The following OSBPL9 variants were observed in gnomAD, a reference collection of about 807,000 sequenced individuals.
OSBPL9 encodes oxysterol-binding protein-related protein 9.
OSBPL9 carries 40 observed loss-of-function variants against 106.6 expected under a neutral mutation model. The ratio of observed to expected loss-of-function variants is 0.38; its 90% CI spans 0.29 to 0.49. The LOEUF (loss-of-function observed/expected upper bound fraction) is 0.49. Among genes scored for constraint, OSBPL9 ranks in the 20% least tolerant of loss-of-function variants. The probability of loss-of-function intolerance (pLI) is 0.97; values close to 1 mark genes in which losing one functional copy is unlikely to be tolerated. For synonymous variants in OSBPL9, 269 were observed against 295.4 expected, an observed-to-expected ratio of 0.91 and a Z score of 0.92; for missense variants, 609 against 887.2, an observed-to-expected ratio of 0.69 and a Z score of 3.98.
chr1:51,753,399 G>A (rs1466579545), intron 8 of OSBPL9, among the ~76,000 whole-genome samples: 2 of 152,074 alleles, frequency 1.3e-5, no homozygotes, highest in Non-Finnish European at 2.9e-5. Flanking sequence ...TTGGTAGCTG[G>A]CATGTAATAA....
At chr1:51,740,380 A>G (rs538673204) in intron 4 of OSBPL9, among the ~76,000 whole-genome samples, 1 of 151,936 alleles carries the variant, frequency 6.6e-6, no homozygotes, top group East Asian at 1.9e-4. Flanking sequence ...ATTATAGGGT[A>G]TGTGTTTTAC....
intron 6 of OSBPL9, 145 bp from the exon 7 acceptor site, chr1:51,748,224 C>A: frequency 1.1e-6 from 1 of 879,064 alleles, no homozygotes. Context: ...CAAAATACAA[C>A]AAAAAGTACT....
intron 1 of OSBPL9, among the ~76,000 whole-genome samples, chr1:51,586,155 C>T (rs1645246409): frequency 6.6e-6 from 1 of 151,800 alleles, no homozygotes; most frequent in Admixed American, 6.6e-5. Flanking sequence ...GCCTGGGCAA[C>T]AGAGTGAGAC....
the OSBPL9 span, among the ~76,000 whole-genome samples, chr1:51,556,638 TA>T: frequency 6.6e-6 from 1 of 151,882 alleles, no homozygotes; most frequent in Non-Finnish European, 1.5e-5. Context: ...TACAAAAAAT[TA>T]GCTGGGCATG....
chr1:51,651,322 G>A (rs1180255257), intron 1 of OSBPL9, among the ~76,000 whole-genome samples: 1 of 152,142 alleles, frequency 6.6e-6, no homozygotes, highest in Non-Finnish European at 1.5e-5. Flanking sequence ...TCTGGGGGCA[G>A]CTGGGTGCGG....
intron 8 of OSBPL9, among the ~76,000 whole-genome samples, chr1:51,755,847 C>T (rs1670225158): frequency 6.6e-6 from 1 of 152,188 alleles, no homozygotes; most frequent in Non-Finnish European, 1.5e-5. Flanking sequence ...TCTCTTCCAA[C>T]AGCCTCCTAC....
intron 2 of OSBPL9, among the ~76,000 whole-genome samples, chr1:51,657,255 T>C (rs1209386043): frequency 3.3e-5 from 5 of 152,166 alleles, no homozygotes; most frequent in African/African-American, 7.2e-5. Flanking sequence ...TATGATGTAT[T>C]TTCTAAAAAG....
the OSBPL9 span, among the ~76,000 whole-genome samples, chr1:51,536,673 T>C: frequency 1.1e-3 from 162 of 152,310 alleles, 1 homozygote; most frequent in Admixed American, 1.4e-3. Flanking sequence ...TCTTTCACTA[T>C]TATTCACGAT....
chr1:51,733,388 T>A (rs1664902873), intron 4 of OSBPL9, among the ~76,000 whole-genome samples: 1 of 152,138 alleles, frequency 6.6e-6, no homozygotes, highest in African/African-American at 2.4e-5. Flanking sequence ...TTTTTCCCTG[T>A]GAGTTAAAAA....
chr1:51,751,855 C>G (rs1669316191), intron 8 of OSBPL9, among the ~76,000 whole-genome samples: 1 of 152,174 alleles, frequency 6.6e-6, no homozygotes, highest in Admixed American at 6.5e-5. Flanking sequence ...TTTGTACTTG[C>G]TACCTGTCTG....
At chr1:51,762,042 TGAG>T in intron 11 of OSBPL9, 71 bp downstream of exon 11, 2 of 1,086,118 alleles carry the variant, frequency 1.8e-6, no homozygotes, top group Non-Finnish European at 2.8e-6. Context: ...TGACCTCTGA[TGAG>T]GAGGGGGAAA....
the OSBPL9 span, among the ~76,000 whole-genome samples, chr1:51,540,496 A>C: frequency 1.4e-4 from 21 of 151,968 alleles, no homozygotes; most frequent in Admixed American, 5.9e-4. Flanking sequence ...CTCTACTAAA[A>C]AAAAAAAATT....
intron 4 of OSBPL9, among the ~76,000 whole-genome samples, chr1:51,732,629 C>T (rs1238828739): frequency 1.3e-5 from 2 of 152,094 alleles, no homozygotes; most frequent in Non-Finnish European, 2.9e-5. Context: ...TTTTCAGATT[C>T]GTCACTTTTT....
chr1:51,602,015 G>GTTTTTTTT (rs1266396456), intron 2 of OSBPL9, among the ~76,000 whole-genome samples: 1 of 16,316 alleles, frequency 6.1e-5, no homozygotes, highest in African/African-American at 2.1e-4. Context: ...CATTCTTGGG[G>GTTTTTTTT]TTCTTTTTTT....
chr1:51,739,668 A>G (rs985255872), intron 4 of OSBPL9, among the ~76,000 whole-genome samples: 1 of 152,034 alleles, frequency 6.6e-6, no homozygotes, highest in Non-Finnish European at 1.5e-5. Flanking sequence ...TTGATAGTTG[A>G]CTATTCCTTA....
At chr1:51,520,327 C>T in the OSBPL9 span, among the ~76,000 whole-genome samples, 1 of 152,216 alleles carries the variant, frequency 6.6e-6, no homozygotes, top group South Asian at 2.1e-4. Context: ...TTGGAATACC[C>T]AGTTACTTGA....
intron 5 of OSBPL9, among the ~76,000 whole-genome samples, chr1:51,746,464 A>G (rs1033802801): frequency 1.1e-4 from 17 of 152,232 alleles, no homozygotes; most frequent in Non-Finnish European, 2.1e-4. Context: ...TTTAAAAGTC[A>G]TCTGTTTTCT....
At chr1:51,627,951 ACTGGTTACT>A (rs146506775) in intron 1 of OSBPL9, among the ~76,000 whole-genome samples, 12 of 152,256 alleles carry the variant, frequency 7.9e-5, no homozygotes, top group Admixed American at 2.6e-4. Context: ...ATTTGATGAC[ACTGGTTACT>A]CTTTTACAGC....
the OSBPL9 span, among the ~76,000 whole-genome samples, chr1:51,534,643 C>T: frequency 6.6e-6 from 1 of 152,214 alleles, no homozygotes; most frequent in Non-Finnish European, 1.5e-5. Flanking sequence ...GACACAGCCT[C>T]ACAACTGTGT....
Sources: gnomAD v4.1 joint callset for allele counts (sites outside exome capture counted in the v4.1 genomes callset) on GRCh38, gnomAD v4.1.1 for gene constraint, MANE v1.5 for transcripts, NCBI Gene and HGNC (gene_info 2026-07-23, HGNC 2026-07-21) for gene names.